Variants in PREPL observed in about 807,000 individuals in gnomAD.
PREPL encodes the protein prolyl endopeptidase-like.
A neutral mutation model predicts 70.6 loss-of-function variants in PREPL; 77 were observed. The ratio of observed to expected loss-of-function variants is 1.09; its 90% CI spans 0.91 to 1.32. The LOEUF is 1.32. Ranked by LOEUF, PREPL falls within the 40% of genes most tolerant of loss-of-function variation. The pLI, the probability that PREPL is intolerant of heterozygous loss-of-function variation, is 0.00. For missense variants in PREPL, 1,002 were observed against 778.2 expected, an observed-to-expected ratio of 1.29 and a Z score of -3.42; for synonymous variants, 315 against 264.8, an observed-to-expected ratio of 1.19 and a Z score of -1.84.
In PREPL at chr2:44,320,027, A is replaced by C. The variant is rs1572830125; in HGVS notation, c.*1329T>G. On this transcript the variant is annotated 3_prime_UTR_variant, in exon 14 of 14. Coordinates refer to ENST00000409411, the MANE Select transcript of PREPL (RefSeq NM_001171613.2). ...AAACCCCGAATTTGTCATTTCTATC[A>C]GTTTTTATATAAATTGTTCTTACCT... 3.3e-6 allele frequency: 2 copies of C among 612,014 alleles called. No individual in the cohort carries two copies. Among genetic ancestry groups the C allele is most frequent in the Admixed American group, 5.9e-5 (2 of 34,114 alleles). The allele number at this position is 612,014 out of a possible 1,614,324, so 37.9% of individuals were successfully genotyped here.
chr2:44,333,901 T>C (rs1674375687), intron 7 of PREPL, among the ~76,000 whole-genome samples: 1 of 152,196 alleles, frequency 6.6e-6, no homozygotes. Context: ...CAAGGTTCCT[T>C]AGCCCATGGA....
chr2:44,322,634 GA>G, intron 12 of PREPL, 96 bp downstream of exon 12: 4 of 1,447,800 alleles, frequency 2.8e-6, no homozygotes, highest in Non-Finnish European at 3.7e-6. Flanking sequence ...ATCCTGGGCA[GA>G]TGATTTGGCT....
chr2:44,326,829 A>G lies in PREPL; in HGVS notation c.1362T>C (p.His454=). 1 of 1,614,238 alleles carries G rather than the reference A, an allele frequency of 6.2e-7. No individual in the cohort carries two copies. Among genetic ancestry groups the G allele is most frequent in the South Asian group, 1.1e-5 (1 of 91,088 alleles). ...ADLEACIKTL[H]GQGFSQPSLT... is the part of the protein sequence containing the mutation. ...GACTTGGCTGAGAAAAGCCTTGGCC[A>G]TGAAGCGTCTTAATGCAAGCCTCTA... The change falls in exon 10 of 14, where the codon CAT becomes CAC. Residue 454 remains histidine (H), a synonymous_variant. Coordinates refer to ENST00000409411, the MANE Select transcript of PREPL (RefSeq NM_001171613.2).
At position 44,319,633 on chromosome 2, in the gene PREPL, G is replaced by C. The variant is rs1435570619; in HGVS notation, c.*1723C>G. On this transcript the variant is annotated 3_prime_UTR_variant, in exon 14 of 14. Transcript: ENST00000409411. ...ACACATACTATTATGGTAAAAAAAA[G>C]TCTACAATTTCTAACTTTCACCTTA... 1 of 152,938 alleles carries C rather than the reference G, an allele frequency of 6.5e-6. No individual in the cohort carries two copies. The highest frequency in any genetic ancestry group is 1.5e-5 in the Non-Finnish European group (1 of 68,678). 9.5% of individuals were successfully genotyped at this position (152,938 alleles called of 1,614,324 possible).
rs754572953 is a variant in PREPL at position 44,328,937 on chromosome 2, C to T, written c.1262G>A (p.Arg421Gln). ...TGCCAGGTAAAATATACTGACTCAC[C>T]GAACATGGCAGTATGCTAATATCCA... is the stretch of plus-strand genomic sequence containing the variant. ...DGWILAYCHV[R>Q]GGGELGLQWH... Residue 421 changes from arginine (R) to glutamine (Q), a missense_variant and splice_region_variant, in exon 9 of 14, where the codon CGA becomes CAA. Arg to Gln is a conservative substitution (Grantham distance 43). Coordinates refer to ENST00000409411, the MANE Select transcript of PREPL (RefSeq NM_001171613.2). The T allele has an allele frequency of 2.4e-5, 39 of 1,609,218 alleles. No individual in the cohort carries two copies. The highest frequency in any genetic ancestry group is 1.7e-4 in the Middle Eastern group (1 of 6,032).
chr2:44,353,251 T>C (rs528619706), intron 1 of PREPL, among the ~76,000 whole-genome samples: 1 of 152,048 alleles, frequency 6.6e-6, no homozygotes, highest in South Asian at 2.1e-4. Context: ...TTTAGTTTCT[T>C]CATTTGTTTA....
intron 13 of PREPL, 140 bp downstream of exon 13, chr2:44,321,687 C>G: frequency 6.4e-7 from 1 of 1,562,958 alleles, no homozygotes; most frequent in East Asian, 2.3e-5. Context: ...CAGTGTCCCT[C>G]CCTCCCCTCC....
intron 9 of PREPL, 142 bp from the exon 10 acceptor site, chr2:44,327,070 A>T: frequency 2.9e-6 from 2 of 686,386 alleles, no homozygotes; most frequent in Admixed American, 5.2e-5. Context: ...GTTGAGTGAA[A>T]ACAAGGAATG....
intron 2 of PREPL, among the ~76,000 whole-genome samples, chr2:44,345,920 T>C (rs182071466): frequency 3.9e-5 from 6 of 151,994 alleles, no homozygotes; most frequent in Non-Finnish European, 5.9e-5. Context: ...GGTGGGAGGG[T>C]TGCTTGAGCC....
intron 1 of PREPL, among the ~76,000 whole-genome samples, chr2:44,355,763 A>G (rs1344534688): frequency 1.0e-5 from 1 of 97,366 alleles, no homozygotes; most frequent in Non-Finnish European, 2.5e-5. Flanking sequence ...ATATATATAT[A>G]TATATATATA....
intron 6 of PREPL, among the ~76,000 whole-genome samples, chr2:44,338,899 C>G (rs942171146): frequency 1.3e-5 from 2 of 152,192 alleles, no homozygotes; most frequent in African/African-American, 2.4e-5. Context: ...TAAGTTTGCT[C>G]TTTTAAGCTA....
intron 1 of PREPL, among the ~76,000 whole-genome samples, chr2:44,361,049 C>T (rs1371343614): frequency 6.6e-6 from 1 of 152,178 alleles, no homozygotes; most frequent in Non-Finnish European, 1.5e-5. Flanking sequence ...GAAAAAAGAC[C>T]CGAATAACAA....
chr2:44,359,536 CTCTGATAT>C, intron 1 of PREPL: 2 of 1,613,400 alleles, frequency 1.2e-6, no homozygotes, highest in Non-Finnish European at 1.7e-6. Flanking sequence ...TTCTTGCTAA[CTCTGATAT>C]CTTGGGTTTA....
At chr2:44,330,883 C>A (rs1468063112) in intron 8 of PREPL, among the ~76,000 whole-genome samples, 2 of 152,158 alleles carry the variant, frequency 1.3e-5, no homozygotes, top group Non-Finnish European at 2.9e-5. Flanking sequence ...TCATCTCTCT[C>A]TACTCCTCAC....
In PREPL at chr2:44,321,888, G is replaced by C. The variant is rs376119265; in HGVS notation, c.1766C>G (p.Pro589Arg). 13 of 1,613,214 alleles carry C rather than the reference G, an allele frequency of 8.1e-6. No homozygotes were observed. Among genetic ancestry groups the C allele is most frequent in the Non-Finnish European group, 1.1e-5 (13 of 1,179,434 alleles). Residue 589 changes from proline to arginine, a missense_variant, in exon 13 of 14, where the codon CCT (proline) becomes CGT (arginine). Physicochemically the swap from Pro to Arg is moderately radical, Grantham distance 103 (BLOSUM62 -2). Coordinates refer to ENST00000409411, the MANE Select transcript of PREPL (RefSeq NM_001171613.2). Reference sequence around the variant, plus strand: ...AGGCTGAATATCTAGAATAATATTAGGGGTCTGATAGCCTGGAAGAGTTAA... The same window carrying C: ...AGGCTGAATATCTAGAATAATATTACGGGTCTGATAGCCTGGAAGAGTTAA... ...AKDTGEGYQT[P>R]NIILDIQPGG... is the part of the protein sequence containing the mutation.
At chr2:44,355,224 C>T (rs1281743226) in intron 1 of PREPL, among the ~76,000 whole-genome samples, 1 of 152,124 alleles carries the variant, frequency 6.6e-6, no homozygotes, top group African/African-American at 2.4e-5. Context: ...CACTCAAGCT[C>T]TCTAGTCTTC....
At chr2:44,323,685 T>C (rs1428060561) in intron 10 of PREPL, among the ~76,000 whole-genome samples, 1 of 152,174 alleles carries the variant, frequency 6.6e-6, no homozygotes, top group Non-Finnish European at 1.5e-5. Context: ...TTTTATTCAT[T>C]TATATTTTTT....
rs780193886 is a variant in PREPL, at chr2:44,329,049, G to T, written c.1150C>A (p.Pro384Thr). The T allele has an allele frequency of 1.2e-6, 2 of 1,612,780 alleles. No homozygotes were observed. The highest frequency in any genetic ancestry group is 2.2e-5 in the East Asian group (1 of 44,876). ...GCTCCATATACATGTACCAAGAGAG[G>T]TTTCTTCTGCAAGTCCTCAGAGTCA... ...KTDSEDLQKK[P>T]LLVHVYGAYG... Residue 384 changes from proline (P) to threonine (T), a missense_variant, in exon 9 of 14, where the codon CCT becomes ACT. Pro to Thr is a conservative substitution (Grantham distance 38). Transcript: ENST00000409411.
intron 2 of PREPL, among the ~76,000 whole-genome samples, chr2:44,345,720 A>G (rs750473743): frequency 1.8e-4 from 27 of 152,316 alleles, no homozygotes; most frequent in Non-Finnish European, 3.1e-4. Context: ...CTTGGCTTTC[A>G]TGGTATTATA....
Sources: gnomAD v4.1 joint callset for allele counts (sites outside exome capture counted in the v4.1 genomes callset) on GRCh38, gnomAD v4.1.1 for gene constraint, MANE v1.5 for transcripts, NCBI Gene and HGNC (gene_info 2026-07-23, HGNC 2026-07-21) for gene names.